Variants in RNF212B observed in about 807,000 individuals in gnomAD.
RNF212B encodes ring finger protein 212B, also known as E3 ubiquitin-protein ligase RNF212B.
A neutral mutation model predicts 55.5 loss-of-function variants in RNF212B; 52 were observed. The observed-to-expected ratio is 0.94, with a 90% CI of 0.75 to 1.18. The LOEUF is 1.18. Among genes scored for constraint, RNF212B ranks in the 50% most tolerant of loss-of-function variants. RNF212B has a pLI of 0.00. For missense variants in RNF212B, 289 were observed against 350.4 expected (o/e 0.82, Z 1.40); for synonymous variants, 99 against 121.4 (o/e 0.82, Z 1.21).
At chr14:23,202,259 A>AAAG (rs998922887) in intron 2 of RNF212B, among the ~76,000 whole-genome samples, 1 of 152,068 alleles carries the variant, frequency 6.6e-6, no homozygotes, top group African/African-American at 2.4e-5. Flanking sequence ...TTAAAAAAAA[A>AAAG]AAAAAAAAAG....
intron 2 of RNF212B, among the ~76,000 whole-genome samples, chr14:23,209,154 G>C (rs8004773): frequency 0.17 from 26,160 of 152,074 alleles, 2,840 homozygotes; most frequent in East Asian, 0.33. Context: ...ATAACTTCCT[G>C]ACGTTGCCAT....
chr14:23,225,210 A>G (rs1469479669), intron 2 of RNF212B, among the ~76,000 whole-genome samples: 1 of 152,194 alleles, frequency 6.6e-6, no homozygotes, highest in Non-Finnish European at 1.5e-5. Context: ...GTTGGTGGGA[A>G]TGTAAATTAG....
At chr14:23,225,134 T>C (rs183679022) in intron 2 of RNF212B, among the ~76,000 whole-genome samples, 6 of 152,224 alleles carry the variant, frequency 3.9e-5, no homozygotes, top group Admixed American at 2.6e-4. Flanking sequence ...AAAATGGCTT[T>C]TATTCAAAAG....
chr14:23,258,693 CTTTT>C lies in RNF212B; in HGVS notation c.344+45_344+48del, dbSNP rs10547691. 4,106 of 584,608 alleles carry C rather than the reference CTTTT, an allele frequency of 7.0e-3. 1 individual carries two copies. Among genetic ancestry groups the C allele is most frequent in the South Asian group, 0.014 (518 of 37,496 alleles). The allele number at this position is 584,608 out of a possible 1,614,324, so 36.2% of individuals were successfully genotyped here. A position where few individuals can be genotyped will look rare whatever the true frequency, so the allele number is the denominator to read the frequency against. ...AGTAACAAATCAAGTCCCAAGAGAG[CTTTT>C]TTTTTTTTTTTTTTTCTAAGAAGTG... On this transcript the variant is annotated intron_variant, in intron 5 of 14. Transcript: ENST00000430154.
intron 2 of RNF212B, among the ~76,000 whole-genome samples, chr14:23,214,674 A>G (rs530508694): frequency 6.6e-6 from 1 of 151,968 alleles, no homozygotes; most frequent in Non-Finnish European, 1.5e-5. Context: ...AGATAAAATA[A>G]TAATAATAAT....
At chr14:23,249,271 T>C (rs1884233215) in intron 4 of RNF212B, among the ~76,000 whole-genome samples, 1 of 152,232 alleles carries the variant, frequency 6.6e-6, no homozygotes, top group South Asian at 2.1e-4. Flanking sequence ...ACTGAGGTAC[T>C]CAGTGGGCCA....
intron 4 of RNF212B, among the ~76,000 whole-genome samples, chr14:23,249,421 C>T (rs1215249627): frequency 1.3e-5 from 2 of 152,140 alleles, no homozygotes; most frequent in East Asian, 3.9e-4. Context: ...TGGCACACAC[C>T]TGTAGTCCAG....
At chr14:23,190,661 C>T (rs1411902951) in intron 1 of RNF212B, among the ~76,000 whole-genome samples, 1 of 152,086 alleles carries the variant, frequency 6.6e-6, no homozygotes, top group Non-Finnish European at 1.5e-5. Context: ...ATTGGTCTCC[C>T]AATTTCCACA....
intron 2 of RNF212B, 107 bp downstream of exon 2, chr14:23,240,552 C>A: frequency 1.5e-6 from 1 of 647,328 alleles, no homozygotes; most frequent in South Asian, 2.1e-5. Flanking sequence ...CTTATTAGGT[C>A]AATGGTGATA....
chr14:23,238,419 TAC>T lies in RNF212B; in HGVS notation c.-2+378_-2+379del, dbSNP rs144725519. ...TACGAAGTTTGTATCCCTCAGCGGT[TAC>T]ACACACACACACATCCTACGAAAAG... On this transcript the variant is annotated intron_variant, in intron 1 of 14. Coordinates refer to ENST00000430154, the MANE Select transcript of RNF212B (RefSeq NM_001282322.3). Among the ~76,000 whole-genome samples, 10 of 150,894 alleles carry T rather than the reference TAC, an allele frequency of 6.6e-5. 1 individual carries two copies. The highest frequency in any genetic ancestry group is 1.3e-4 in the Non-Finnish European group (9 of 67,610).
chr14:23,245,424 G>T (rs1883915596), intron 4 of RNF212B, among the ~76,000 whole-genome samples: 2 of 152,252 alleles, frequency 1.3e-5, no homozygotes, highest in Admixed American at 6.5e-5. Flanking sequence ...CAGACCTTTA[G>T]TTAATAAATA....
intron 2 of RNF212B, among the ~76,000 whole-genome samples, chr14:23,200,671 C>T (rs1023521517): frequency 4.6e-5 from 7 of 152,112 alleles, no homozygotes; most frequent in African/African-American, 1.4e-4. Context: ...CTGGGGCTTC[C>T]GTGCCTGTCA....
intron 2 of RNF212B, among the ~76,000 whole-genome samples, chr14:23,202,055 A>G (rs916130708): frequency 6.6e-6 from 1 of 152,066 alleles, no homozygotes; most frequent in African/African-American, 2.4e-5. Context: ...GTTCGAGACC[A>G]GCTTGACCAA....
chr14:23,223,812 A>T (rs902484794), intron 2 of RNF212B, among the ~76,000 whole-genome samples: 10 of 152,230 alleles, frequency 6.6e-5, no homozygotes, highest in African/African-American at 2.4e-4. Flanking sequence ...CCTTGTTTGC[A>T]GTTGTCATAA....
chr14:23,246,817 G>C (rs1884015419), intron 4 of RNF212B, among the ~76,000 whole-genome samples: 1 of 152,136 alleles, frequency 6.6e-6, no homozygotes, highest in Non-Finnish European at 1.5e-5. Flanking sequence ...AATAGTTGAA[G>C]ATCATATAAG....
rs980766459 is a variant in RNF212B at position 23,244,356 on chromosome 14, CT to C, written c.189del (p.Val64TrpfsTer36). The C allele has an allele frequency of 8.4e-6, 13 of 1,546,918 alleles. No individual in the cohort carries two copies. In the Admixed American group the frequency reaches 1.4e-4, roughly 16 times the overall value. On this transcript the variant is annotated frameshift_variant, in exon 4 of 15. Transcript: ENST00000430154. LOFTEE classifies it high-confidence loss of function. ...KPQEKMFFKS[P>X]VETALQYFSH... ...CAGGAGAAGATGTTTTTCAAAAGTCCTGTGGAGACAGCTTTGCAGTATTTTA... is the reference window on the plus strand; with the variant it reads ...CAGGAGAAGATGTTTTTCAAAAGTCCGTGGAGACAGCTTTGCAGTATTTTA...
intron 2 of RNF212B, among the ~76,000 whole-genome samples, chr14:23,212,456 A>G (rs1178038705): frequency 2.0e-5 from 3 of 152,228 alleles, no homozygotes; most frequent in Non-Finnish European, 4.4e-5. Context: ...CTCTATAATA[A>G]TGGGGTTTGA....
chr14:23,221,874 T>C (rs553370340), intron 2 of RNF212B, among the ~76,000 whole-genome samples: 1 of 152,292 alleles, frequency 6.6e-6, no homozygotes, highest in African/African-American at 2.4e-5. Context: ...TTAAACAGTA[T>C]GCTTCTGAAT....
chr14:23,268,610 T>G (rs953249221), intron 11 of RNF212B, among the ~76,000 whole-genome samples: 2 of 152,190 alleles, frequency 1.3e-5, no homozygotes, highest in Admixed American at 1.3e-4. Context: ...TTGATGTCAC[T>G]CCTAGCTAAT....
Sources: allele counts gnomAD v4.1 joint callset (sites outside exome capture counted in the v4.1 genomes callset), GRCh38; gene constraint gnomAD v4.1.1; transcripts MANE v1.5; gene names NCBI Gene and HGNC (gene_info 2026-07-23, HGNC 2026-07-21).